Variants in TSPAN5 observed in about 807,000 individuals in gnomAD.
The protein encoded by TSPAN5 is tetraspanin 5.
In TSPAN5, 10 loss-of-function variants were observed where a neutral mutation model predicts 37.1. The ratio of observed to expected loss-of-function variants is 0.27; its 90% CI spans 0.17 to 0.46. The LOEUF (loss-of-function observed/expected upper bound fraction) is 0.46, where lower values mean the gene tolerates loss of function less well. Among genes scored for constraint, TSPAN5 ranks in the 20% least tolerant of loss-of-function variants. TSPAN5 has a pLI of 1.00. For synonymous variants in TSPAN5, 110 were observed against 118.9 expected, an observed-to-expected ratio of 0.93 and a Z score of 0.48; for missense variants, 195 against 326.6, an observed-to-expected ratio of 0.60 and a Z score of 3.11.
chr4:98,493,835 T>C (rs1196770188), intron 2 of TSPAN5, among the ~76,000 whole-genome samples: 1 of 152,158 alleles, frequency 6.6e-6, no homozygotes, highest in African/African-American at 2.4e-5. Flanking sequence ...CATAAAGTGC[T>C]GCTATAAAGA....
chr4:98,543,879 G>A (rs1390513184), intron 1 of TSPAN5, among the ~76,000 whole-genome samples: 1 of 151,640 alleles, frequency 6.6e-6, no homozygotes, highest in Non-Finnish European at 1.5e-5. Context: ...TCACAATATT[G>A]GGCTTAAAAA....
intron 1 of TSPAN5, among the ~76,000 whole-genome samples, chr4:98,584,736 A>G (rs373289644): frequency 1.3e-5 from 2 of 152,362 alleles, no homozygotes; most frequent in African/African-American, 4.8e-5. Context: ...AAGACATTTT[A>G]TCTCTTCATG....
In TSPAN5 at chr4:98,645,305, T is replaced by C. The variant is rs78113869; in HGVS notation, c.81+12841A>G. On this transcript the variant is annotated intron_variant, in intron 1 of 7. Coordinates refer to ENST00000305798, the MANE Select transcript of TSPAN5 (RefSeq NM_005723.4). The stretch of plus-strand genomic sequence containing the variant: ...AGTAAGTCATATTATTGTCATTATA[T>C]GCATTTGAATAGTGATACTTTTTAC... Among the ~76,000 whole-genome samples, 3,025 of 152,338 alleles carry C rather than the reference T, an allele frequency of 0.02. 170 individuals are homozygous for C. In the East Asian group the frequency reaches 0.24, roughly 12 times the overall value.
chr4:98,633,184 T>C (rs1476275447), intron 1 of TSPAN5, among the ~76,000 whole-genome samples: 2 of 152,132 alleles, frequency 1.3e-5, no homozygotes, highest in East Asian at 1.9e-4. Context: ...GCAAAGCCAG[T>C]TCCTTATATA....
At chr4:98,587,447 G>A (rs1354140471) in intron 1 of TSPAN5, among the ~76,000 whole-genome samples, 1 of 152,172 alleles carries the variant, frequency 6.6e-6, no homozygotes, top group Non-Finnish European at 1.5e-5. Flanking sequence ...TTCCTCGGCT[G>A]TCTGGCTTTT....
intron 2 of TSPAN5, among the ~76,000 whole-genome samples, chr4:98,504,517 A>G (rs1401770512): frequency 6.6e-6 from 1 of 152,172 alleles, no homozygotes; most frequent in African/African-American, 2.4e-5. Flanking sequence ...CTCTCCTAAA[A>G]TTTGAGGCTG....
chr4:98,554,947 T>C (rs966856803), intron 1 of TSPAN5, among the ~76,000 whole-genome samples: 1 of 152,162 alleles, frequency 6.6e-6, no homozygotes, highest in East Asian at 1.9e-4. Flanking sequence ...GACATGAGTA[T>C]AAAAATCCCA....
At chr4:98,603,060 T>C (rs1755920744) in intron 1 of TSPAN5, among the ~76,000 whole-genome samples, 1 of 152,234 alleles carries the variant, frequency 6.6e-6, no homozygotes, top group Admixed American at 6.5e-5. Flanking sequence ...CTCAATGTTA[T>C]GCCTGCTTTT....
At chr4:98,559,438 A>T (rs1277389957) in intron 1 of TSPAN5, among the ~76,000 whole-genome samples, 2 of 152,196 alleles carry the variant, frequency 1.3e-5, no homozygotes, top group Non-Finnish European at 2.9e-5. Context: ...AAATCTGAGT[A>T]AGAAGAGTAT....
At chr4:98,522,252 C>T (rs547084677) in intron 1 of TSPAN5, among the ~76,000 whole-genome samples, 2 of 152,290 alleles carry the variant, frequency 1.3e-5, no homozygotes, top group Admixed American at 6.5e-5. Context: ...CAGAAAGCTT[C>T]TTTAAAATGA....
At chr4:98,507,164 T>C (rs546633302) in intron 2 of TSPAN5, among the ~76,000 whole-genome samples, 1 of 152,328 alleles carries the variant, frequency 6.6e-6, no homozygotes, top group Non-Finnish European at 1.5e-5. Flanking sequence ...TTCCCATTAT[T>C]TACATTAATG....
chr4:98,473,810 G>A (rs1185304926), intron 7 of TSPAN5, among the ~76,000 whole-genome samples: 1 of 151,980 alleles, frequency 6.6e-6, no homozygotes, highest in African/African-American at 2.4e-5. Context: ...TAAGGGACTG[G>A]GTTTTGCTCT....
intron 1 of TSPAN5, among the ~76,000 whole-genome samples, chr4:98,588,869 T>C (rs1755557561): frequency 6.6e-6 from 1 of 152,256 alleles, no homozygotes; most frequent in East Asian, 1.9e-4. Flanking sequence ...CAGAGTGCTT[T>C]GTTTTTTAAG....
chr4:98,657,733 G>A (rs1240670978), intron 1 of TSPAN5: 3 of 255,582 alleles, frequency 1.2e-5, no homozygotes, highest in Non-Finnish European at 2.3e-5. Flanking sequence ...TTGTTAGAAG[G>A]TGGACCTCAG....
At chr4:98,526,167 T>C (rs564882248) in intron 1 of TSPAN5, among the ~76,000 whole-genome samples, 38 of 152,208 alleles carry the variant, frequency 2.5e-4, no homozygotes, top group African/African-American at 9.2e-4. Context: ...TGATTTTTGC[T>C]CAAACACCGT....
chr4:98,543,155 G>A (rs1754396503), intron 1 of TSPAN5, among the ~76,000 whole-genome samples: 1 of 151,854 alleles, frequency 6.6e-6, no homozygotes, highest in Non-Finnish European at 1.5e-5. Context: ...TGTAAAGTAT[G>A]TGTCATTTTA....
intron 2 of TSPAN5, among the ~76,000 whole-genome samples, chr4:98,494,919 G>A (rs1274131808): frequency 1.3e-5 from 2 of 152,156 alleles, no homozygotes; most frequent in African/African-American, 4.8e-5. Flanking sequence ...GGCAGAAGAG[G>A]GAGGCCATGA....
chr4:98,556,635 C>A (rs1265937852), intron 1 of TSPAN5, among the ~76,000 whole-genome samples: 1 of 152,196 alleles, frequency 6.6e-6, no homozygotes, highest in African/African-American at 2.4e-5. Flanking sequence ...CTTATTCATT[C>A]ATTTTCACTA....
intron 1 of TSPAN5, among the ~76,000 whole-genome samples, chr4:98,611,719 G>A (rs915360665): frequency 6.6e-6 from 1 of 152,222 alleles, no homozygotes; most frequent in Non-Finnish European, 1.5e-5. Context: ...GCAAGAATGT[G>A]CGACCCAGAA....
Sources: allele counts gnomAD v4.1 joint callset (sites outside exome capture counted in the v4.1 genomes callset), GRCh38; gene constraint gnomAD v4.1.1; transcripts MANE v1.5; gene names NCBI Gene and HGNC (gene_info 2026-07-23, HGNC 2026-07-21).